PPP4R2: variants seen among roughly 807,000 people sequenced by gnomAD.
The protein encoded by PPP4R2 is serine/threonine-protein phosphatase 4 regulatory subunit 2.
Under a neutral mutation model 47.2 loss-of-function variants are expected in PPP4R2, and 13 were observed. The ratio of observed to expected loss-of-function variants is 0.28; its 90% CI spans 0.18 to 0.44. PPP4R2 has a LOEUF of 0.44. PPP4R2 is among the 20% of genes least tolerant of loss of function. The pLI is 1.00. For missense variants in PPP4R2, 421 were observed against 491.2 expected, an observed-to-expected ratio of 0.86 and a Z score of 1.35; for synonymous variants, 151 against 163.3, an observed-to-expected ratio of 0.92 and a Z score of 0.57.
At chr3:73,063,012 G>A (rs1465581607) in intron 5 of PPP4R2, 2 of 999,772 alleles carry the variant, frequency 2.0e-6, no homozygotes, top group African/African-American at 3.3e-5. Flanking sequence ...CCCAGTCTTT[G>A]AGGAGAAAAA....
intron 2 of PPP4R2, chr3:73,015,919 T>C (rs1701822704): frequency 3.3e-6 from 1 of 304,074 alleles, no homozygotes; most frequent in Non-Finnish European, 6.9e-6. Context: ...ATTACAGACG[T>C]GAACTACTGC....
At chr3:73,015,030 C>G in intron 2 of PPP4R2, 1 of 615,150 alleles carries the variant, frequency 1.6e-6, no homozygotes. Flanking sequence ...GAAATATACT[C>G]CTGGCCTGTT....
At chr3:73,055,414 T>TTGTG (rs1702710906) in intron 3 of PPP4R2, among the ~76,000 whole-genome samples, 1 of 69,562 alleles carries the variant, frequency 1.4e-5, no homozygotes, top group African/African-American at 6.4e-5. Flanking sequence ...CCTAGTGGGG[T>TTGTG]AGCGTGTGTG....
intron 2 of PPP4R2, among the ~76,000 whole-genome samples, chr3:73,043,778 A>AT (rs978894683): frequency 6.6e-6 from 1 of 152,208 alleles, no homozygotes; most frequent in East Asian, 1.9e-4. Context: ...AAACCTTACC[A>AT]TTTTAACTAT....
At chr3:73,058,019 T>G (rs1455491047) in intron 3 of PPP4R2, among the ~76,000 whole-genome samples, 1 of 152,174 alleles carries the variant, frequency 6.6e-6, no homozygotes, top group Non-Finnish European at 1.5e-5. Flanking sequence ...TTAGCTGCGT[T>G]TGTCGTACCT....
At chr3:73,039,312 G>A (rs1702329146) in intron 2 of PPP4R2, among the ~76,000 whole-genome samples, 1 of 152,012 alleles carries the variant, frequency 6.6e-6, no homozygotes, top group Admixed American at 6.6e-5. Flanking sequence ...TAGTAGAAAT[G>A]GGGTTTCACC....
chr3:73,061,180 A>G (rs1324050542), intron 5 of PPP4R2, 120 bp downstream of exon 5: 7 of 450,012 alleles, frequency 1.6e-5, no homozygotes, highest in Non-Finnish European at 2.3e-5. Flanking sequence ...GTGTGATAAC[A>G]TACTTGTGAA....
At chr3:73,021,555 A>G (rs1008449552) in intron 2 of PPP4R2, among the ~76,000 whole-genome samples, 5 of 152,182 alleles carry the variant, frequency 3.3e-5, no homozygotes, top group Admixed American at 2.0e-4. Context: ...TTAAATGTAT[A>G]CCATGTGACA....
At chr3:73,033,421 C>T (rs1331822967) in intron 2 of PPP4R2, among the ~76,000 whole-genome samples, 12 of 152,116 alleles carry the variant, frequency 7.9e-5, no homozygotes, top group Non-Finnish European at 1.6e-4. Context: ...GACTATTTGT[C>T]AACTCTTGTG....
At chr3:73,003,002 G>A (rs949403258) in intron 2 of PPP4R2, among the ~76,000 whole-genome samples, 18 of 152,028 alleles carry the variant, frequency 1.2e-4, no homozygotes, top group Admixed American at 6.6e-4. Context: ...CACAGGCAGG[G>A]TATGATAGAA....
intron 2 of PPP4R2, among the ~76,000 whole-genome samples, chr3:73,042,469 A>G (rs1023394754): frequency 1.3e-5 from 2 of 148,152 alleles, no homozygotes; most frequent in African/African-American, 2.5e-5. Context: ...GGTTCAAACA[A>G]TTCTCCTGTC....
At position 73,026,282 on chromosome 3, in the gene PPP4R2, T is replaced by C. The variant is rs182882837; in HGVS notation, c.117-20904T>C. Among the ~76,000 whole-genome samples, 9 of 152,342 alleles carry C rather than the reference T, an allele frequency of 5.9e-5. No individual in the cohort carries two copies. In the East Asian group the frequency reaches 1.5e-3, roughly 26 times the overall value. ...TCGTACTGCCTCGTCCCAGTGACTT[T>C]GTACATATTGTTCCCTTTGCTGGAA... is the stretch of plus-strand genomic sequence containing the variant. On this transcript the variant is annotated intron_variant, in intron 2 of 8. Coordinates refer to ENST00000356692, the MANE Select transcript of PPP4R2 (RefSeq NM_174907.4).
intron 3 of PPP4R2, among the ~76,000 whole-genome samples, chr3:73,049,677 T>C (rs1245108309): frequency 6.6e-6 from 1 of 151,672 alleles, no homozygotes; most frequent in African/African-American, 2.4e-5. Flanking sequence ...CTTGTTATTC[T>C]GAATTAGTAA....
chr3:73,043,966 C>T (rs1196987989), intron 2 of PPP4R2, among the ~76,000 whole-genome samples: 1 of 152,198 alleles, frequency 6.6e-6, no homozygotes, highest in Admixed American at 6.5e-5. Context: ...TTCTTGATAG[C>T]TCATATAAGT....
At chr3:73,060,765 A>G (rs1275194093) in intron 4 of PPP4R2, among the ~76,000 whole-genome samples, 1 of 152,188 alleles carries the variant, frequency 6.6e-6, no homozygotes, top group Non-Finnish European at 1.5e-5. Context: ...TTACGGGTCT[A>G]GAATAACTAG....
intron 5 of PPP4R2, chr3:73,062,822 A>G (rs2231928): frequency 0.53 from 855,369 of 1,611,790 alleles, 232,826 homozygotes; most frequent in African/African-American, 0.85. Flanking sequence ...GCTCAAGACC[A>G]TGGGTTGGAG....
At position 73,068,169 on chromosome 3, in the gene PPP4R2, A is replaced by C. The variant is rs1326594391; in HGVS notation, c.*2447A>C. The C allele has an allele frequency of 6.6e-6, 1 of 152,162 alleles. No homozygotes were observed. Among genetic ancestry groups the C allele is most frequent in the Non-Finnish European group, 1.5e-5 (1 of 68,016 alleles). 9.4% of individuals were successfully genotyped at this position (152,162 alleles called of 1,614,324 possible). A position where few individuals can be genotyped will look rare whatever the true frequency, so the allele number is the denominator to read the frequency against. ...AAAATGTCAGTTCTAATAGTAACTG[A>C]TTCACTTCTGAACAGAAGTGATTTT... On this transcript the variant is annotated 3_prime_UTR_variant, in exon 9 of 9. Transcript: ENST00000356692.
intron 2 of PPP4R2, among the ~76,000 whole-genome samples, chr3:73,004,113 G>A (rs947933267): frequency 1.3e-5 from 2 of 152,108 alleles, no homozygotes; most frequent in African/African-American, 4.8e-5. Flanking sequence ...TGGGATTACA[G>A]GCATGAGCCA....
chr3:73,033,541 T>C (rs1184579167), intron 2 of PPP4R2, among the ~76,000 whole-genome samples: 3 of 152,240 alleles, frequency 2.0e-5, no homozygotes. Context: ...ATGCATAAAA[T>C]GAAATTTACC....
Sources: allele counts gnomAD v4.1 joint callset (sites outside exome capture counted in the v4.1 genomes callset), GRCh38; gene constraint gnomAD v4.1.1; transcripts MANE v1.5; gene names NCBI Gene and HGNC (gene_info 2026-07-23, HGNC 2026-07-21).